Variants in KCNG2 observed in about 807,000 individuals in gnomAD.
KCNG2 encodes the protein voltage-gated potassium channel regulatory subunit KCNG2.
KCNG2 carries 7 observed loss-of-function variants against 12.3 expected under a neutral mutation model. That is an observed-to-expected ratio of 0.57 (90% CI 0.32 to 1.07). KCNG2 has a LOEUF of 1.07. KCNG2 is among the 50% of genes least tolerant of loss of function. The pLI, the probability that KCNG2 is intolerant of heterozygous loss-of-function variation, is 0.04. For synonymous variants in KCNG2, 414 were observed against 351.4 expected, an observed-to-expected ratio of 1.18 and a Z score of -1.99; for missense variants, 703 against 726.0, an observed-to-expected ratio of 0.97 and a Z score of 0.36.
intron 1 of KCNG2, among the ~76,000 whole-genome samples, chr18:79,851,609 T>G (rs1167134495): frequency 7.4e-6 from 1 of 135,810 alleles, no homozygotes; most frequent in Non-Finnish European, 1.7e-5. Flanking sequence ...CATGTGCGGG[T>G]GTGTGAGAGT....
chr18:79,871,795 A>G (rs563761948), intron 3 of KCNG2, among the ~76,000 whole-genome samples: 5 of 152,346 alleles, frequency 3.3e-5, no homozygotes, highest in South Asian at 2.1e-4. Context: ...ATCCTAACCC[A>G]GAGGCCACAG....
rs1294104113 is a variant in KCNG2, at chr18:79,854,740, C to G, written c.-114-1639C>G. On this transcript the variant is annotated intron_variant, in intron 1 of 3. Coordinates refer to ENST00000316249, the MANE Select transcript of KCNG2 (RefSeq NM_012283.2). ...CGAGGTTTCACCGTGGTCTTGATCT[C>G]CTGACCACGTGATCCGCCCGCCTTG... 2.0e-5 allele frequency among the ~76,000 whole-genome samples: 3 copies of G among 152,264 alleles called. No homozygotes were observed. In the East Asian group the frequency reaches 5.8e-4, roughly 29 times the overall value.
At chr18:79,891,030 C>T (rs1425497632) in intron 3 of KCNG2, among the ~76,000 whole-genome samples, 2 of 152,130 alleles carry the variant, frequency 1.3e-5, no homozygotes, top group Non-Finnish European at 2.9e-5. Context: ...ATTGGTTTCT[C>T]TATGGGTTTT....
intron 3 of KCNG2, among the ~76,000 whole-genome samples, chr18:79,868,513 G>A (rs1979701439): frequency 6.6e-6 from 1 of 152,192 alleles, no homozygotes; most frequent in African/African-American, 2.4e-5. Flanking sequence ...CAGTTGTGTG[G>A]GTGAAGAGCC....
At chr18:79,850,093 G>T (rs1978766622) in intron 1 of KCNG2, among the ~76,000 whole-genome samples, 1 of 152,240 alleles carries the variant, frequency 6.6e-6, no homozygotes, top group Non-Finnish European at 1.5e-5. Context: ...CATGTACCCA[G>T]CACACACGTG....
intron 3 of KCNG2, among the ~76,000 whole-genome samples, chr18:79,890,148 G>A (rs1007978526): frequency 2.0e-5 from 3 of 151,922 alleles, no homozygotes; most frequent in African/African-American, 4.8e-5. Flanking sequence ...TTTTAACATC[G>A]GTATTCACGT....
At chr18:79,889,240 C>T (rs932591175) in intron 3 of KCNG2, among the ~76,000 whole-genome samples, 1 of 152,166 alleles carries the variant, frequency 6.6e-6, no homozygotes, top group Non-Finnish European at 1.5e-5. Context: ...GAAGATTTTA[C>T]CCCAAGTCTC....
intron 1 of KCNG2, among the ~76,000 whole-genome samples, chr18:79,810,790 AG>A (rs1325230287): frequency 6.6e-6 from 1 of 152,210 alleles, no homozygotes; most frequent in East Asian, 1.9e-4. Context: ...CAAAAAACGT[AG>A]AAAAAAACTA....
intron 3 of KCNG2, among the ~76,000 whole-genome samples, chr18:79,882,637 G>A (rs1980342778): frequency 6.6e-6 from 1 of 152,276 alleles, no homozygotes; most frequent in Non-Finnish European, 1.5e-5. Flanking sequence ...CATGTTAGAA[G>A]GGCCCTGATC....
intron 1 of KCNG2, among the ~76,000 whole-genome samples, chr18:79,807,882 C>A (rs866565190): frequency 2.9e-3 from 238 of 82,542 alleles, no homozygotes; most frequent in Non-Finnish European, 3.6e-3. Flanking sequence ...CCAGAGTCCG[C>A]GCTCTGAGGA....
chr18:79,846,407 T>C (rs1426167935), intron 1 of KCNG2, among the ~76,000 whole-genome samples: 1 of 147,948 alleles, frequency 6.8e-6, no homozygotes, highest in East Asian at 2.0e-4. Context: ...AGTGAGACTC[T>C]GTCTCAGAAA....
At chr18:79,861,173 G>A (rs1002291593) in intron 2 of KCNG2, among the ~76,000 whole-genome samples, 2 of 151,656 alleles carry the variant, frequency 1.3e-5, no homozygotes, top group East Asian at 1.9e-4. Context: ...TATGGTAAAC[G>A]ATCAAATGGT....
rs902068830 is a variant in KCNG2, at chr18:79,836,922, A to G, written c.-114-19457A>G. ...TCAGCCCTGGCCCCTCCCAAATCTC[A>G]TGTCCTCACATTTTAACACAATCAT... On this transcript the variant is annotated intron_variant, in intron 1 of 3. Coordinates refer to ENST00000316249, the MANE Select transcript of KCNG2 (RefSeq NM_012283.2). 5.3e-5 allele frequency among the ~76,000 whole-genome samples: 8 copies of G among 152,282 alleles called. No homozygotes were observed. The South Asian group carries it at 8.3e-4, about 16-fold the overall frequency.
At chr18:79,852,720 G>A (rs1978868395) in intron 1 of KCNG2, among the ~76,000 whole-genome samples, 5 of 152,276 alleles carry the variant, frequency 3.3e-5, no homozygotes, top group Admixed American at 6.5e-5. Flanking sequence ...GCCACCGACG[G>A]GGAATGAAGT....
At chr18:79,827,994 G>C (rs1245091507) in intron 1 of KCNG2, among the ~76,000 whole-genome samples, 1 of 149,460 alleles carries the variant, frequency 6.7e-6, no homozygotes, top group African/African-American at 2.5e-5. Context: ...CGTTGTCAAG[G>C]CTCACTGCAA....
intron 1 of KCNG2, among the ~76,000 whole-genome samples, chr18:79,812,099 A>T (rs2087497668): frequency 1.3e-5 from 2 of 152,220 alleles, no homozygotes; most frequent in African/African-American, 4.8e-5. Flanking sequence ...AAAGACATAG[A>T]TCTACAGATT....
At chr18:79,861,111 A>G (rs1234081492) in intron 2 of KCNG2, among the ~76,000 whole-genome samples, 1 of 152,178 alleles carries the variant, frequency 6.6e-6, no homozygotes, top group East Asian at 1.9e-4. Context: ...AAATGAGCGT[A>G]TTATAGTAAT....
At chr18:79,854,088 C>T (rs1020937812) in intron 1 of KCNG2, among the ~76,000 whole-genome samples, 10 of 152,274 alleles carry the variant, frequency 6.6e-5, no homozygotes, top group Admixed American at 1.3e-4. Context: ...GCACTGGCTG[C>T]ACCTACAACT....
At chr18:79,864,450 G>T (rs77385159) in intron 3 of KCNG2, among the ~76,000 whole-genome samples, 159 bp downstream of exon 3, 50,434 of 146,976 alleles carry the variant, frequency 0.34, 10,465 homozygotes, top group Non-Finnish European at 0.44. Flanking sequence ...CCGGGGCCGG[G>T]CTGGAGGCGG....
Sources: allele counts gnomAD v4.1 joint callset (sites outside exome capture counted in the v4.1 genomes callset), GRCh38; gene constraint gnomAD v4.1.1; transcripts MANE v1.5; gene names NCBI Gene and HGNC (gene_info 2026-07-23, HGNC 2026-07-21).